The following LYRM4 variants were observed in gnomAD, a reference collection of about 807,000 sequenced individuals.
LYRM4 encodes the protein LYR motif-containing protein 4.
LYRM4 carries 9 observed loss-of-function variants against 11.7 expected under a neutral mutation model. That is an observed-to-expected ratio of 0.77 (90% CI 0.46 to 1.34). The LOEUF is 1.34. LYRM4 is among the 40% of genes most tolerant of loss of function. The pLI is 0.00. For missense variants in LYRM4, 133 were observed against 112.5 expected, an observed-to-expected ratio of 1.18 and a Z score of -0.82; for synonymous variants, 42 against 40.4, an observed-to-expected ratio of 1.04 and a Z score of -0.15.
At chr6:5,091,399 C>T in the LYRM4 span, among the ~76,000 whole-genome samples, 1 of 152,202 alleles carries the variant, frequency 6.6e-6, no homozygotes, top group Non-Finnish European at 1.5e-5. Context: ...CTTTGGACTC[C>T]CTTTAGCTGA....
chr6:5,199,752 T>C (rs974484085), intron 2 of LYRM4, among the ~76,000 whole-genome samples: 8 of 152,186 alleles, frequency 5.3e-5, no homozygotes, highest in African/African-American at 1.9e-4. Context: ...CCCATCCCAA[T>C]TTAAGCTGTG....
At chr6:5,156,662 CCT>C (rs1480683109) in intron 2 of LYRM4, among the ~76,000 whole-genome samples, 11 of 144,048 alleles carry the variant, frequency 7.6e-5, no homozygotes, top group Admixed American at 2.1e-4. Flanking sequence ...AGAATAATGC[CCT>C]GTCTCAGATT....
intron 1 of LYRM4, among the ~76,000 whole-genome samples, chr6:5,239,369 G>A (rs1266049500): frequency 6.6e-6 from 1 of 152,124 alleles, no homozygotes; most frequent in African/African-American, 2.4e-5. Context: ...ATGATGTGGA[G>A]TTTTAGTTTA....
At chr6:5,092,999 T>C in the LYRM4 span, among the ~76,000 whole-genome samples, 1 of 152,352 alleles carries the variant, frequency 6.6e-6, no homozygotes, top group Non-Finnish European at 1.5e-5. Context: ...TCTGTGAATA[T>C]ACTTGGGTAT....
intron 2 of LYRM4, among the ~76,000 whole-genome samples, chr6:5,171,449 C>G (rs908986305): frequency 1.3e-5 from 2 of 152,214 alleles, no homozygotes; most frequent in African/African-American, 4.8e-5. Context: ...GTTTATACCT[C>G]TTGCCTGAGA....
At chr6:5,197,342 G>A (rs1761116493) in intron 2 of LYRM4, among the ~76,000 whole-genome samples, 1 of 152,156 alleles carries the variant, frequency 6.6e-6, no homozygotes, top group Non-Finnish European at 1.5e-5. Context: ...CATATGCCAA[G>A]CCAGAACCTC....
chr6:5,102,907 T>A (rs1413193443), downstream of LYRM4: 1 of 152,226 alleles, frequency 6.6e-6, no homozygotes, highest in Non-Finnish European at 1.5e-5. Flanking sequence ...AAGAATATAG[T>A]CCATTGACCT....
At chr6:5,090,739 C>T in the LYRM4 span, among the ~76,000 whole-genome samples, 19,337 of 152,262 alleles carry the variant, frequency 0.13, 1,577 homozygotes, top group Non-Finnish European at 0.19. The surrounding 1 kb of genome is among the most constrained non-coding windows in gnomAD (Gnocchi z 4.8). Context: ...AGGCCGCCCA[C>T]AGCCTTCCTG....
the LYRM4 span, among the ~76,000 whole-genome samples, chr6:5,036,858 G>C: frequency 6.6e-6 from 1 of 152,160 alleles, no homozygotes; most frequent in Admixed American, 6.5e-5. Context: ...ATACCACTGG[G>C]AGCTCCTTTC....
intron 2 of LYRM4, among the ~76,000 whole-genome samples, chr6:5,124,528 A>G (rs1052016186): frequency 3.9e-5 from 6 of 152,132 alleles, no homozygotes; most frequent in Non-Finnish European, 7.3e-5. Flanking sequence ...CTAAAGTGTG[A>G]CTTCAGAAAT....
rs941540310 is a variant in LYRM4 at position 5,109,595 on chromosome 6, C to T, written c.208-104G>A. The T allele has an allele frequency of 3.4e-6, 4 of 1,187,754 alleles. No individual in the cohort carries two copies. In the South Asian group the frequency reaches 5.1e-5, roughly 15 times the overall value. The allele number at this position is 1,187,754 out of a possible 1,614,324, so 73.6% of individuals were successfully genotyped here. On this transcript the variant is annotated intron_variant, in intron 2 of 2. Coordinates refer to ENST00000330636, the MANE Select transcript of LYRM4 (RefSeq NM_020408.6). ...CATTTCTAATACAAACGTCGGCCAT[C>T]CCAGGGCTGCTCCCTTCCGGCAACT...
chr6:5,126,783 A>G (rs1763717454), intron 2 of LYRM4, among the ~76,000 whole-genome samples: 1 of 152,288 alleles, frequency 6.6e-6, no homozygotes, highest in Non-Finnish European at 1.5e-5. Context: ...ACAGGCCAAT[A>G]CATAGAGACA....
rs371732650 is a variant in LYRM4 at position 5,182,509 on chromosome 6, T to C, written c.207+34109A>G. Among the ~76,000 whole-genome samples, 18 of 152,360 alleles carry C rather than the reference T, an allele frequency of 1.2e-4. No individual in the cohort carries two copies. In the South Asian group the frequency reaches 3.7e-3, roughly 32 times the overall value. On this transcript the variant is annotated intron_variant, in intron 2 of 2. Coordinates refer to ENST00000330636, the MANE Select transcript of LYRM4 (RefSeq NM_020408.6). ...TTATTAGATGTGTAAAATTAATAAATTGATCATTCAACTGAGAATAAACTT... is the reference window on the plus strand; with the variant it reads ...TTATTAGATGTGTAAAATTAATAAACTGATCATTCAACTGAGAATAAACTT...
chr6:5,159,139 C>T (rs532500031), intron 2 of LYRM4, among the ~76,000 whole-genome samples: 4 of 152,290 alleles, frequency 2.6e-5, no homozygotes, highest in East Asian at 3.9e-4. Context: ...CTGACAGCAG[C>T]GATCGTACTC....
At chr6:5,166,692 TA>T (rs1333310471) in intron 2 of LYRM4, among the ~76,000 whole-genome samples, 1 of 152,270 alleles carries the variant, frequency 6.6e-6, no homozygotes, top group Non-Finnish European at 1.5e-5. Context: ...TTCACATGGT[TA>T]CTTTTGGAGA....
intron 2 of LYRM4, among the ~76,000 whole-genome samples, chr6:5,111,285 G>T (rs444565): frequency 5.3e-5 from 8 of 152,076 alleles, no homozygotes; most frequent in Admixed American, 2.0e-4. Flanking sequence ...TATAACAGCT[G>T]GGATGGTTCA....
At chr6:5,104,028 T>G (rs1762586421), downstream of LYRM4, 1 of 152,594 alleles carries the variant, frequency 6.6e-6, no homozygotes, top group South Asian at 2.1e-4. Context: ...AATGTATATT[T>G]TCTGTATACT....
chr6:5,089,551 T>C, the LYRM4 span: 6 of 152,198 alleles, frequency 3.9e-5, no homozygotes. Context: ...ACAAGAGAAA[T>C]AGATTTTTAG....
chr6:5,173,508 C>T (rs1052112199), intron 2 of LYRM4, among the ~76,000 whole-genome samples: 12 of 152,340 alleles, frequency 7.9e-5, no homozygotes, highest in African/African-American at 2.2e-4. Context: ...ATTAAAGATG[C>T]CACACTTTAA....
Sources: gnomAD v4.1 joint callset for allele counts (sites outside exome capture counted in the v4.1 genomes callset) on GRCh38, gnomAD v4.1.1 for gene constraint, Gnocchi (gnomAD v3.1) non-coding constraint, MANE v1.5 for transcripts, NCBI Gene and HGNC (gene_info 2026-07-23, HGNC 2026-07-21) for gene names.